Variants in FAM228A observed in about 807,000 individuals in gnomAD.
FAM228A encodes the protein protein FAM228A.
A neutral mutation model predicts 18.6 loss-of-function variants in FAM228A; 13 were observed. That is an observed-to-expected ratio of 0.70 (90% CI 0.45 to 1.11). FAM228A has a LOEUF of 1.11. FAM228A is among the 50% of genes least tolerant of loss of function. The pLI is 0.00. For synonymous variants in FAM228A, 77 were observed against 86.6 expected (o/e 0.89, Z 0.61); for missense variants, 240 against 242.2 (o/e 0.99, Z 0.06).
At position 24,176,017 on chromosome 2, in the gene FAM228A, A is replaced by G. The variant is rs542760944; in HGVS notation, c.93+444A>G. 833 of 993,290 alleles carry G rather than the reference A, an allele frequency of 8.4e-4. 9 individuals are homozygous for G. In the African/African-American group the frequency reaches 0.014, roughly 16 times the overall value. 61.5% of individuals were successfully genotyped at this position (993,290 alleles called of 1,614,324 possible). On this transcript the variant is annotated intron_variant, in intron 2 of 5. Transcript: ENST00000295150. ...GAGCAGTGAGATGCTTAATTTTTCT[A>G]TGTGTGTGCACAGAAAGCTGTGGAT...
In FAM228A at chr2:24,190,750, A is replaced by C. The variant is rs1668064539; in HGVS notation, c.*119A>C. The C allele has an allele frequency of 3.6e-6, 5 of 1,371,642 alleles. No homozygotes were observed. The South Asian group carries it at 8.2e-5, about 22-fold the overall frequency. The allele number at this position is 1,371,642 out of a possible 1,614,324, so 85.0% of individuals were successfully genotyped here. A position where few individuals can be genotyped will look rare whatever the true frequency, so the allele number is the denominator to read the frequency against. ...GCGGTGGCCTCAGGCTCAGCACTGC[A>C]GCTCTGACAGGGCCCCTCGGGCGGG... is the stretch of plus-strand genomic sequence containing the variant. On this transcript the variant is annotated 3_prime_UTR_variant, in exon 6 of 6. Coordinates refer to ENST00000295150, the MANE Select transcript of FAM228A (RefSeq NM_001040710.3).
intron 2 of FAM228A, chr2:24,175,961 T>G: frequency 9.8e-7 from 1 of 1,024,844 alleles, no homozygotes; most frequent in Non-Finnish European, 1.2e-6. Context: ...AAATTTCCTT[T>G]CTTTTTCCCC....
At position 24,190,563 on chromosome 2, in the gene FAM228A, G is replaced by T. The variant is rs201826849; in HGVS notation, c.553G>T (p.Gly185Cys). Residue 185 changes from glycine (G) to cysteine (C), a missense_variant, in exon 6 of 6, where the codon GGC (glycine) becomes TGC (cysteine). By Grantham distance (159) the Gly-to-Cys change is radical (BLOSUM62 -3). Transcript: ENST00000295150. ...VGERKGLVSR[G>C]LGRGWHAGLC... The stretch of plus-strand genomic sequence containing the variant: ...TGAAAGAAAGGGTCTGGTGAGCAGA[G>T]GCCTGGGGCGGGGCTGGCATGCAGG... 3.3e-4 allele frequency: 528 copies of T among 1,612,574 alleles called. No homozygotes were observed. Among genetic ancestry groups the T allele is most frequent in the Non-Finnish European group, 4.2e-4 (491 of 1,179,570 alleles).
rs1401589814 is a variant in FAM228A, at chr2:24,191,041, CAAAAAAT to C, written c.*411_*417del. On this transcript the variant is annotated 3_prime_UTR_variant, in exon 6 of 6. Coordinates refer to ENST00000295150, the MANE Select transcript of FAM228A (RefSeq NM_001040710.3). ...GAAGTTTTTGAAATGAAATTTATACCAAAAAATTAGGGCAAGATGAGATTTTTTGATA... is the reference window on the plus strand; with the variant it reads ...GAAGTTTTTGAAATGAAATTTATACCTAGGGCAAGATGAGATTTTTTGATA... 1 of 994,394 alleles carries C rather than the reference CAAAAAAT, an allele frequency of 1.0e-6. No individual in the cohort carries two copies. Among genetic ancestry groups the C allele is most frequent in the Non-Finnish European group, 1.2e-6 (1 of 836,096 alleles). 61.6% of individuals were successfully genotyped at this position (994,394 alleles called of 1,614,324 possible).
At chr2:24,177,935 A>G in intron 3 of FAM228A, 65 bp downstream of exon 3, 5 of 1,005,960 alleles carry the variant, frequency 5.0e-6, no homozygotes, top group Non-Finnish European at 6.0e-6. Flanking sequence ...GCAGAACAAC[A>G]TGGCCAAGAG....
intron 5 of FAM228A, among the ~76,000 whole-genome samples, chr2:24,186,302 C>T (rs892880782): frequency 3.3e-5 from 5 of 152,186 alleles, no homozygotes; most frequent in Admixed American, 3.3e-4. Context: ...GCCCAGCCCA[C>T]AATATTATCT....
chr2:24,179,217 T>C, intron 3 of FAM228A: 2 of 1,042,788 alleles, frequency 1.9e-6, no homozygotes, highest in Non-Finnish European at 2.5e-6. Context: ...CAGCAGAGAA[T>C]TATGGAAAAA....
Position 24,191,562 on chromosome 2 carries a change from T to C in FAM228A, c.*931T>C. 8 of 913,850 alleles carry C rather than the reference T, an allele frequency of 8.8e-6. No homozygotes were observed. The highest frequency in any genetic ancestry group is 1.0e-5 in the Non-Finnish European group (8 of 764,180). The allele number at this position is 913,850 out of a possible 1,614,324, so 56.6% of individuals were successfully genotyped here. A position where few individuals can be genotyped will look rare whatever the true frequency, so the allele number is the denominator to read the frequency against. On this transcript the variant is annotated 3_prime_UTR_variant, in exon 6 of 6. Coordinates refer to ENST00000295150, the MANE Select transcript of FAM228A (RefSeq NM_001040710.3). The stretch of plus-strand genomic sequence containing the variant: ...ACAACGTGATGATTTGCTATAGGTA[T>C]TCATTGTGAAATGTTTGCCACAGTC...
At chr2:24,175,238 CA>C (rs888890942) in intron 1 of FAM228A, 64 bp downstream of exon 1, 2 of 493,980 alleles carry the variant, frequency 4.0e-6, no homozygotes, top group South Asian at 2.2e-5. Flanking sequence ...GTGGCAGGGC[CA>C]GGGGGGCGCG....
At position 24,183,330 on chromosome 2, in the gene FAM228A, G is replaced by A; in HGVS notation, c.208G>A (p.Glu70Lys). The change falls in exon 4 of 6, where the codon GAG becomes AAG. Residue 70 changes from glutamate to lysine, a missense_variant. Physicochemically the swap from Glu to Lys is moderately conservative, Grantham distance 56 (BLOSUM62 1). Coordinates refer to ENST00000295150, the MANE Select transcript of FAM228A (RefSeq NM_001040710.3). Reference sequence around the variant, plus strand: ...TGATCCTCTGTTTCAAAGACAGCAAGAGGTGGATGAAGAGAGGAGAACTGG... The same window carrying A: ...TGATCCTCTGTTTCAAAGACAGCAAAAGGTGGATGAAGAGAGGAGAACTGG... ...FVDPLFQRQQ[E>K]VDEERRTGLQ... 6.2e-7 allele frequency: 1 copy of A among 1,614,100 alleles called. No individual in the cohort carries two copies. Among genetic ancestry groups the A allele is most frequent in the South Asian group, 1.1e-5 (1 of 91,066 alleles).
intron 5 of FAM228A, among the ~76,000 whole-genome samples, chr2:24,187,163 C>T (rs564126700): frequency 3.3e-5 from 5 of 152,226 alleles, no homozygotes; most frequent in African/African-American, 7.2e-5. Context: ...TATACTCTAC[C>T]ATGTACCTCA....
At chr2:24,188,563 C>T in intron 5 of FAM228A, 1 of 985,356 alleles carries the variant, frequency 1.0e-6, no homozygotes. Context: ...ACCCACCTGT[C>T]AGGACATCAA....
intron 3 of FAM228A, chr2:24,179,355 C>T: frequency 3.2e-6 from 1 of 314,212 alleles, no homozygotes; most frequent in Non-Finnish European, 5.1e-6. Context: ...CTAACAATTT[C>T]ACTGGTTATA....
chr2:24,176,610 A>C (rs1388937565), intron 2 of FAM228A, among the ~76,000 whole-genome samples: 1 of 152,244 alleles, frequency 6.6e-6, no homozygotes, highest in Non-Finnish European at 1.5e-5. Flanking sequence ...CAGCTGTTTG[A>C]ATATCATTTT....
Sources: allele counts gnomAD v4.1 joint callset (sites outside exome capture counted in the v4.1 genomes callset), GRCh38; gene constraint gnomAD v4.1.1; transcripts MANE v1.5; gene names NCBI Gene and HGNC (gene_info 2026-07-23, HGNC 2026-07-21).